CES5A: variants seen among roughly 807,000 people sequenced by gnomAD.
CES5A encodes carboxylesterase 5.
Under a neutral mutation model 62.9 loss-of-function variants are expected in CES5A, and 67 were observed. That is an observed-to-expected ratio of 1.07 (90% CI 0.88 to 1.31). The LOEUF is 1.31. CES5A is among the 50% of genes most tolerant of loss of function. CES5A has a pLI of 0.00. For missense variants in CES5A, 748 were observed against 708.5 expected (o/e 1.06, Z -0.63); for synonymous variants, 296 against 280.8 (o/e 1.05, Z -0.54).
chr16:55,846,985 G>A (rs2033026946), intron 11 of CES5A, 145 bp from the exon 12 acceptor site: 4 of 728,704 alleles, frequency 5.5e-6, no homozygotes, highest in Non-Finnish European at 9.4e-6. Flanking sequence ...TTTTATACAT[G>A]CAGATACTGA....
At chr16:55,884,283 T>A (rs1465833013) in intron 1 of CES5A, among the ~76,000 whole-genome samples, 1 of 152,236 alleles carries the variant, frequency 6.6e-6, no homozygotes, top group Non-Finnish European at 1.5e-5. Context: ...TTATCCTTTA[T>A]CATGCATGTG....
intron 4 of CES5A, among the ~76,000 whole-genome samples, chr16:55,867,726 A>T (rs1216985260): frequency 6.6e-6 from 1 of 152,138 alleles, no homozygotes; most frequent in African/African-American, 2.4e-5. Context: ...CTGGCCACTT[A>T]TTATCTGGGT....
intron 1 of CES5A, among the ~76,000 whole-genome samples, chr16:55,952,146 T>C (rs558870138): frequency 2.5e-4 from 38 of 152,084 alleles, no homozygotes; most frequent in Admixed American, 2.6e-4. Context: ...AATGGCCAAA[T>C]AATTCTATGC....
intron 1 of CES5A, among the ~76,000 whole-genome samples, chr16:55,924,644 G>A (rs2034241073): frequency 6.6e-6 from 1 of 151,944 alleles, no homozygotes; most frequent in Admixed American, 6.6e-5. Flanking sequence ...CAAAGCTGGA[G>A]GCATCATACT....
chr16:55,894,762 C>T (rs1301570227), intron 1 of CES5A, among the ~76,000 whole-genome samples: 1 of 152,170 alleles, frequency 6.6e-6, no homozygotes, highest in African/African-American at 2.4e-5. Context: ...TTTTGGCACC[C>T]TCTTCCACTC....
chr16:55,936,217 C>G (rs1315316286), intron 2 of CES5A, among the ~76,000 whole-genome samples: 1 of 152,180 alleles, frequency 6.6e-6, no homozygotes, highest in East Asian at 1.9e-4. Flanking sequence ...TCCCATGATA[C>G]TTGGAAATCT....
chr16:55,911,155 T>A (rs1284499002), intron 1 of CES5A, among the ~76,000 whole-genome samples: 1 of 152,148 alleles, frequency 6.6e-6, no homozygotes, highest in Non-Finnish European at 1.5e-5. Flanking sequence ...GTCCCTTCCA[T>A]CTTGTTGCTC....
Position 55,953,559 on chromosome 16 carries a change from A to T in CES5A, c.42+2285T>A, listed in dbSNP as rs939456865. Among the ~76,000 whole-genome samples, 14 of 152,294 alleles carry T rather than the reference A, an allele frequency of 9.2e-5. No individual in the cohort carries two copies. The East Asian group carries it at 2.7e-3, about 29-fold the overall frequency. On this transcript the variant is annotated intron_variant, in intron 1 of 13. Coordinates refer to the CES5A transcript ENST00000521992. ...GACCCTATTCACAAAAGGAAAAAAA[A>T]ACCTGAAAAATACCTCAGGCAAATT...
chr16:55,944,169 A>G, intron 2 of CES5A: 1 of 699,828 alleles, frequency 1.4e-6, no homozygotes, highest in African/African-American at 1.7e-5. Flanking sequence ...TTGTATTGTG[A>G]AGACTTGGGT....
chr16:55,871,379 C>A (rs145534908), intron 3 of CES5A, among the ~76,000 whole-genome samples: 1 of 152,120 alleles, frequency 6.6e-6, no homozygotes, highest in Non-Finnish European at 1.5e-5. Context: ...TCACTAAATA[C>A]GCAACAGAGG....
At chr16:55,936,526 G>A (rs191534396) in intron 2 of CES5A, among the ~76,000 whole-genome samples, 6 of 152,280 alleles carry the variant, frequency 3.9e-5, no homozygotes, top group African/African-American at 9.6e-5. Flanking sequence ...CATACACCGG[G>A]TTTCTCCAGC....
chr16:55,908,813 A>G (rs552335114), intron 1 of CES5A, among the ~76,000 whole-genome samples: 1 of 152,276 alleles, frequency 6.6e-6, no homozygotes, highest in South Asian at 2.1e-4. Flanking sequence ...TTCCCCAAAT[A>G]GGTTGGGTGC....
intron 2 of CES5A, among the ~76,000 whole-genome samples, chr16:55,937,426 G>A (rs2034388352): frequency 6.6e-6 from 1 of 152,216 alleles, no homozygotes; most frequent in African/African-American, 2.4e-5. Context: ...CCTCCATCCT[G>A]AAGTGACATG....
At chr16:55,940,859 C>T (rs1163419303) in intron 2 of CES5A, among the ~76,000 whole-genome samples, 5 of 151,438 alleles carry the variant, frequency 3.3e-5, no homozygotes, top group Non-Finnish European at 5.9e-5. Flanking sequence ...ATTTAAAAAT[C>T]AATCAATGTA....
chr16:55,955,770 T>C, intron 1 of CES5A: 1 of 1,491,138 alleles, frequency 6.7e-7, no homozygotes, highest in Non-Finnish European at 9.0e-7. Flanking sequence ...GCATCTAATC[T>C]AAGGCTCATC....
chr16:55,932,440 G>C lies in CES5A; in HGVS notation c.160+17345C>G, dbSNP rs139518502. On this transcript the variant is annotated intron_variant, in intron 2 of 13. Transcript: ENST00000521992. ...TCTGTTCTTGTGGAGTTTACTGTCA[G>C]TGGATGAGACAAAGAGTAAATATGT... Among the ~76,000 whole-genome samples the C allele has an allele frequency of 1.7e-3, 264 of 152,318 alleles. 2 individuals carry two copies. The highest frequency in any genetic ancestry group is 6.1e-3 in the African/African-American group (253 of 41,568).
chr16:55,940,411 T>C (rs1185010288), intron 2 of CES5A, among the ~76,000 whole-genome samples: 1 of 151,946 alleles, frequency 6.6e-6, no homozygotes, highest in Non-Finnish European at 1.5e-5. Flanking sequence ...ACATAATACA[T>C]ATAAATTCAA....
At chr16:55,861,709 G>A (rs562434415) in intron 6 of CES5A, among the ~76,000 whole-genome samples, 193 bp from the exon 7 acceptor site, 1 of 152,288 alleles carries the variant, frequency 6.6e-6, no homozygotes, top group South Asian at 2.1e-4. Context: ...ATCACCCTCA[G>A]TCTCTTGCCT....
intron 3 of CES5A, 78 bp from the exon 4 acceptor site, chr16:55,869,822 T>C (rs1487626315): frequency 2.0e-6 from 3 of 1,497,974 alleles, no homozygotes; most frequent in Admixed American, 2.3e-5. Flanking sequence ...GCACACGTTC[T>C]TAAGGTGAAA....
Sources: allele counts gnomAD v4.1 joint callset (sites outside exome capture counted in the v4.1 genomes callset), GRCh38; gene constraint gnomAD v4.1.1; transcripts MANE v1.5; gene names NCBI Gene and HGNC (gene_info 2026-07-23, HGNC 2026-07-21).